NAP1L1: variants seen among roughly 807,000 people sequenced by gnomAD.
NAP1L1 encodes the protein nucleosome assembly protein 1 like 1.
Under a neutral mutation model 58.9 loss-of-function variants are expected in NAP1L1, and 9 were observed. The ratio of observed to expected loss-of-function variants is 0.15; its 90% CI spans 0.09 to 0.27. The LOEUF is 0.27. Ranked by LOEUF, NAP1L1 falls within the 10% of genes least tolerant of loss-of-function variation. The probability of loss-of-function intolerance (pLI) is 1.00; values close to 1 mark genes in which losing one functional copy is unlikely to be tolerated. For missense variants in NAP1L1, 302 were observed against 458.8 expected, an observed-to-expected ratio of 0.66 and a Z score of 3.12; for synonymous variants, 130 against 138.3, an observed-to-expected ratio of 0.94 and a Z score of 0.42.
chr12:76,084,516 CGCCCA>C (rs1364595523), intron 1 of NAP1L1, 46 bp downstream of exon 1: 1 of 152,396 alleles, frequency 6.6e-6, no homozygotes, highest in African/African-American at 2.4e-5. Context: ...CTGCGCAGGC[CGCCCA>C]GCCAACACCA....
In NAP1L1 at chr12:76,056,102, G is replaced by A; in HGVS notation, c.489C>T (p.Asp163=). The part of the protein sequence containing the change: ...EDEKKDEEKE[D]PKGIPEFWLT... The stretch of plus-strand genomic sequence containing the variant: ...ACCAAAATTCAGGAATTCCTTTGGG[G>A]TCTTCTTTTTCTTCATCTTTTTTCT... Residue 163 remains aspartate, a synonymous_variant, in exon 7 of 15, where the codon GAC becomes GAT. Transcript: ENST00000618691. 1.2e-6 allele frequency: 2 copies of A among 1,612,778 alleles called. No individual in the cohort carries two copies. The highest frequency in any genetic ancestry group is 1.7e-6 in the Non-Finnish European group (2 of 1,179,484).
chr12:76,071,536 A>G lies in NAP1L1; in HGVS notation c.18-2542T>C, dbSNP rs117569842. ...AAAACAAGGGCAGCAACATTTTGGAAGCTGGAAACCAGACAAGTGATAATT... is the reference window on the plus strand; with the variant it reads ...AAAACAAGGGCAGCAACATTTTGGAGGCTGGAAACCAGACAAGTGATAATT... On this transcript the variant is annotated intron_variant, in intron 2 of 14. Transcript: ENST00000618691. Among the ~76,000 whole-genome samples, 1,015 of 152,246 alleles carry G rather than the reference A, an allele frequency of 6.7e-3. 9 individuals are homozygous for G. The highest frequency in any genetic ancestry group is 0.016 in the South Asian group (78 of 4,830).
intron 11 of NAP1L1, 104 bp from the exon 12 acceptor site, chr12:76,050,757 T>A (rs1346423255): frequency 1.3e-5 from 16 of 1,259,952 alleles, no homozygotes; most frequent in Non-Finnish European, 1.6e-5. Flanking sequence ...CTCACAACTG[T>A]AGTCCCAACA....
At position 76,048,040 on chromosome 12, in the gene NAP1L1, G is replaced by A. The variant is rs11541040; in HGVS notation, c.*389C>T. 36 of 180,672 alleles carry A rather than the reference G, an allele frequency of 2.0e-4. No individual in the cohort carries two copies. Among genetic ancestry groups the A allele is most frequent in the Middle Eastern group, 2.3e-3 (1 of 426 alleles). The allele number at this position is 180,672 out of a possible 1,614,324, so 11.2% of individuals were successfully genotyped here. On this transcript the variant is annotated 3_prime_UTR_variant, in exon 15 of 15. Transcript: ENST00000618691. ...AATGAAAGGCACAGCTAATCCAAGC[G>A]GACTTAACCCTATTCAACAACCAGC...
Position 76,074,196 on chromosome 12 carries a change from C to A in NAP1L1, c.17+7G>T. 6.3e-7 allele frequency: 1 copy of A among 1,597,614 alleles called. No individual in the cohort carries two copies. Among genetic ancestry groups the A allele is most frequent in the Non-Finnish European group, 8.6e-7 (1 of 1,168,578 alleles). On this transcript the variant is annotated splice_region_variant and intron_variant, in intron 2 of 14. Transcript: ENST00000618691. ...CTCTGAAAAAGAACCAACTCTCTGC[C>A]ACTTACTTGTCAATGTCTGCCATGT...
At chr12:76,084,514 G>GC (rs1215938515) in intron 1 of NAP1L1, 53 bp downstream of exon 1, 1 of 152,296 alleles carries the variant, frequency 6.6e-6, no homozygotes, top group African/African-American at 2.4e-5. Flanking sequence ...ATCTGCGCAG[G>GC]CCGCCCAGCC....
chr12:76,062,909 G>A (rs1255944924), intron 4 of NAP1L1, among the ~76,000 whole-genome samples: 2 of 152,080 alleles, frequency 1.3e-5, no homozygotes, highest in African/African-American at 4.8e-5. Context: ...GGTGTCCAGT[G>A]AGAAAGAATA....
chr12:76,067,229 A>C (rs1949720209), intron 4 of NAP1L1, 142 bp downstream of exon 4: 1 of 577,990 alleles, frequency 1.7e-6, no homozygotes, highest in Admixed American at 3.0e-5. Flanking sequence ...GCACAATTTT[A>C]AACTTCTAAT....
At chr12:76,077,511 T>C (rs1345485086) in intron 1 of NAP1L1, among the ~76,000 whole-genome samples, 5 of 152,194 alleles carry the variant, frequency 3.3e-5, no homozygotes, top group African/African-American at 4.8e-5. Context: ...GGTTCTCAGG[T>C]AGACCACATT....
At chr12:76,061,907 C>A (rs1040237698) in intron 4 of NAP1L1, among the ~76,000 whole-genome samples, 2 of 152,136 alleles carry the variant, frequency 1.3e-5, no homozygotes, top group African/African-American at 4.8e-5. Context: ...AAAAGCTAAT[C>A]CCAGAAACTT....
intron 13 of NAP1L1, 195 bp downstream of exon 13, chr12:76,049,561 G>A (rs1268895014): frequency 6.5e-7 from 1 of 1,532,434 alleles, no homozygotes; most frequent in African/African-American, 1.4e-5. Flanking sequence ...ATAAAAAAAT[G>A]TTGCTGAGTT....
chr12:76,048,903 T>C, intron 14 of NAP1L1: 1 of 449,694 alleles, frequency 2.2e-6, no homozygotes, highest in Non-Finnish European at 3.9e-6. Context: ...AAAACCTTTA[T>C]TTTCTAATGC....
rs772502572 is a variant in NAP1L1 at position 76,069,021 on chromosome 12, G to C, written c.18-27C>G. 19 of 1,495,888 alleles carry C rather than the reference G, an allele frequency of 1.3e-5. No homozygotes were observed. The South Asian group carries it at 2.2e-4, about 17-fold the overall frequency. The allele number at this position is 1,495,888 out of a possible 1,614,324, so 92.7% of individuals were successfully genotyped here. ...TATAATATCATAGTATCACACCAAGGTTCAAATGTACCAATTACCAAAAAA... is the reference window on the plus strand; with the variant it reads ...TATAATATCATAGTATCACACCAAGCTTCAAATGTACCAATTACCAAAAAA... On this transcript the variant is annotated intron_variant, in intron 2 of 14. Coordinates refer to ENST00000618691, the MANE Select transcript of NAP1L1 (RefSeq NM_004537.7).
rs1011275548 is a variant in NAP1L1 at position 76,044,561 on chromosome 12, C to G, written c.*3868G>C. On this transcript the variant is annotated 3_prime_UTR_variant, in exon 15 of 15. Transcript: ENST00000618691. ...TGACATGGTCGGGCCTCAATAAGCC[C>G]ACTGTAAGTCAAAAATATCATAAGT... 5.3e-5 allele frequency: 8 copies of G among 152,212 alleles called. No homozygotes were observed. The highest frequency in any genetic ancestry group is 3.4e-3 in the Middle Eastern group (1 of 294). The allele number at this position is 152,212 out of a possible 1,614,324, so 9.4% of individuals were successfully genotyped here. A position where few individuals can be genotyped will look rare whatever the true frequency, so the allele number is the denominator to read the frequency against.
At chr12:76,068,778 A>T (rs995838515) in intron 3 of NAP1L1, 131 bp downstream of exon 3, 2 of 651,306 alleles carry the variant, frequency 3.1e-6, no homozygotes, top group Non-Finnish European at 2.7e-6. Context: ...ACACACACAC[A>T]CTAGAAGTAT....
chr12:76,069,824 T>C (rs560099402), intron 2 of NAP1L1, among the ~76,000 whole-genome samples: 1 of 145,576 alleles, frequency 6.9e-6, no homozygotes, highest in South Asian at 2.2e-4. Flanking sequence ...CATTTCATCT[T>C]AAAAAAAAAA....
In NAP1L1 at chr12:76,051,183, G is replaced by A. The variant is rs565498244; in HGVS notation, c.937-530C>T. ...TTAACAAAAAGAAAATAAGCTAGCA[G>A]GCCAGTATGCATACTAAGATAAATT... On this transcript the variant is annotated intron_variant, in intron 11 of 14. Transcript: ENST00000618691. 5.9e-5 allele frequency among the ~76,000 whole-genome samples: 9 copies of A among 152,030 alleles called. No individual in the cohort carries two copies. In the East Asian group the frequency reaches 1.7e-3, roughly 29 times the overall value.
chr12:76,045,045 A>T lies in NAP1L1; in HGVS notation c.*3384T>A, dbSNP rs1289076683. On this transcript the variant is annotated 3_prime_UTR_variant, in exon 15 of 15. Coordinates refer to ENST00000618691, the MANE Select transcript of NAP1L1 (RefSeq NM_004537.7). The stretch of plus-strand genomic sequence containing the variant: ...TCAGAGACTTAGTGCTTTAAGTAGC[A>T]AATTACCTAAATTATGAACACATAT... 3.9e-5 allele frequency: 6 copies of T among 152,152 alleles called. No homozygotes were observed. The highest frequency in any genetic ancestry group is 1.9e-4 in the East Asian group (1 of 5,198). The allele number at this position is 152,152 out of a possible 1,614,324, so 9.4% of individuals were successfully genotyped here.
At chr12:76,064,871 G>C (rs1229194641) in intron 4 of NAP1L1, among the ~76,000 whole-genome samples, 4 of 151,734 alleles carry the variant, frequency 2.6e-5, no homozygotes, top group African/African-American at 9.7e-5. Context: ...ATTTTTAGAA[G>C]AGTTCTACCC....
Sources: gnomAD v4.1 joint callset for allele counts (sites outside exome capture counted in the v4.1 genomes callset) on GRCh38, gnomAD v4.1.1 for gene constraint, MANE v1.5 for transcripts, NCBI Gene and HGNC (gene_info 2026-07-23, HGNC 2026-07-21) for gene names.